The following STAMBPL1 variants were observed in gnomAD, a reference collection of about 807,000 sequenced individuals.
STAMBPL1 encodes the protein AMSH-like protease.
A neutral mutation model predicts 52.9 loss-of-function variants in STAMBPL1; 44 were observed. The observed-to-expected ratio is 0.83, with a 90% CI of 0.65 to 1.07. STAMBPL1 has a LOEUF of 1.07. STAMBPL1 is among the 50% of genes least tolerant of loss of function. STAMBPL1 has a pLI of 0.00. For missense variants in STAMBPL1, 511 were observed against 520.8 expected, an observed-to-expected ratio of 0.98 and a Z score of 0.18; for synonymous variants, 164 against 177.3, an observed-to-expected ratio of 0.92 and a Z score of 0.60.
At chr10:88,921,540 A>G (rs1054884665) in intron 9 of STAMBPL1, 145 bp downstream of exon 9, 1 of 614,942 alleles carries the variant, frequency 1.6e-6, no homozygotes. Flanking sequence ...GTCAGCTGCC[A>G]TAGACCTATA....
At chr10:88,911,141 G>C in intron 5 of STAMBPL1, 130 bp downstream of exon 5, 1 of 546,424 alleles carries the variant, frequency 1.8e-6, no homozygotes, top group Non-Finnish European at 3.0e-6. Context: ...CAGTGATATG[G>C]AACCAATAAA....
chr10:88,913,579 A>G (rs963548278), intron 6 of STAMBPL1, 121 bp downstream of exon 6: 12 of 792,848 alleles, frequency 1.5e-5, no homozygotes, highest in Middle Eastern at 2.7e-4. Flanking sequence ...CCTGCATAAT[A>G]TGGTATGAAT....
chr10:88,890,643 G>A (rs1474719901), intron 1 of STAMBPL1, among the ~76,000 whole-genome samples: 1 of 152,210 alleles, frequency 6.6e-6, no homozygotes, highest in African/African-American at 2.4e-5. Flanking sequence ...CCATGGAGAT[G>A]AAAGAGACAA....
In STAMBPL1 at chr10:88,903,364, A is replaced by T. The variant is rs573940340; in HGVS notation, c.30+1626A>T. On this transcript the variant is annotated intron_variant, in intron 2 of 10. Coordinates refer to ENST00000371926, the MANE Select transcript of STAMBPL1 (RefSeq NM_020799.4). Reference sequence around the variant, plus strand: ...CTCACTTCCGTCTGTCTTTTATTTGATATACCTATTAATCATCACTTATGT... The same window carrying T: ...CTCACTTCCGTCTGTCTTTTATTTGTTATACCTATTAATCATCACTTATGT... Among the ~76,000 whole-genome samples, 4 of 152,350 alleles carry T rather than the reference A, an allele frequency of 2.6e-5. No individual in the cohort carries two copies. In the South Asian group the frequency reaches 8.3e-4, roughly 32 times the overall value.
chr10:88,910,311 G>A (rs1845187949), intron 4 of STAMBPL1, among the ~76,000 whole-genome samples: 1 of 152,066 alleles, frequency 6.6e-6, no homozygotes, highest in African/African-American at 2.4e-5. Context: ...CTCTAAAAAA[G>A]AAGAGGTAGT....
intron 4 of STAMBPL1, among the ~76,000 whole-genome samples, chr10:88,909,505 T>C (rs1371884623): frequency 6.6e-6 from 1 of 152,216 alleles, no homozygotes; most frequent in Non-Finnish European, 1.5e-5. Flanking sequence ...AAAAACACTT[T>C]ACCAAATAAT....
chr10:88,913,439 T>C lies in STAMBPL1; in HGVS notation c.759T>C (p.Ala253=). 6.2e-7 allele frequency: 1 copy of C among 1,612,618 alleles called. No homozygotes were observed. Residue 253 remains alanine (A), a synonymous_variant, in exon 6 of 11, where the codon GCT becomes GCC. Coordinates refer to ENST00000371926, the MANE Select transcript of STAMBPL1 (RefSeq NM_020799.4). Reference sequence around the variant, plus strand: ...TAAACAGGGCCTTAACGCCAGCTGCTACTCTAAGTGCTGTTCAGAGTAAGT... The same window carrying C: ...TAAACAGGGCCTTAACGCCAGCTGCCACTCTAAGTGCTGTTCAGAGTAAGT... ...PPVNRALTPA[A]TLSAVQNLVV...
chr10:88,911,550 G>A (rs1404647824), intron 5 of STAMBPL1, among the ~76,000 whole-genome samples: 1 of 152,220 alleles, frequency 6.6e-6, no homozygotes, highest in African/African-American at 2.4e-5. Context: ...TAATGTCTGA[G>A]AGGCAGAAAG....
At chr10:88,908,633 C>A in intron 3 of STAMBPL1, 69 bp from the exon 4 acceptor site, 1 of 1,277,448 alleles carries the variant, frequency 7.8e-7, no homozygotes. Flanking sequence ...GATCCTCATT[C>A]CCTTATTAGA....
intron 1 of STAMBPL1, among the ~76,000 whole-genome samples, chr10:88,897,508 T>C: frequency 6.6e-6 from 1 of 152,178 alleles, no homozygotes; most frequent in Non-Finnish European, 1.5e-5. Flanking sequence ...TCTTAGAGGT[T>C]AAACAGATCA....
chr10:88,923,355 AT>A lies in STAMBPL1; in HGVS notation c.*134del. ...TACATTTTAGATGACAAAGCTTGATATTTATTGCTGTTGCACATTTTAAAGT... is the reference window on the plus strand; with the variant it reads ...TACATTTTAGATGACAAAGCTTGATATTATTGCTGTTGCACATTTTAAAGT... On this transcript the variant is annotated 3_prime_UTR_variant, in exon 11 of 11. Coordinates refer to ENST00000371926, the MANE Select transcript of STAMBPL1 (RefSeq NM_020799.4). 1 of 1,399,310 alleles carries A rather than the reference AT, an allele frequency of 7.1e-7. No homozygotes were observed. The highest frequency in any genetic ancestry group is 9.3e-7 in the Non-Finnish European group (1 of 1,080,996). 86.7% of individuals were successfully genotyped at this position (1,399,310 alleles called of 1,614,324 possible).
At chr10:88,905,107 A>G (rs1845039769) in intron 2 of STAMBPL1, among the ~76,000 whole-genome samples, 1 of 152,174 alleles carries the variant, frequency 6.6e-6, no homozygotes, top group South Asian at 2.1e-4. Context: ...ATGATCCCAG[A>G]TAGAAGCATG....
chr10:88,902,151 G>A (rs935868746), intron 2 of STAMBPL1, among the ~76,000 whole-genome samples: 2 of 152,220 alleles, frequency 1.3e-5, no homozygotes. Context: ...TTGGATCCTC[G>A]TGTAAATGTC....
chr10:88,889,431 GTGAC>G (rs1173666985), intron 1 of STAMBPL1, among the ~76,000 whole-genome samples: 2 of 151,944 alleles, frequency 1.3e-5, no homozygotes, highest in African/African-American at 4.8e-5. Flanking sequence ...TTTATTTCTT[GTGAC>G]TTAACTGTTT....
At chr10:88,885,730 T>C (rs1487547662) in intron 1 of STAMBPL1, among the ~76,000 whole-genome samples, 1 of 152,240 alleles carries the variant, frequency 6.6e-6, no homozygotes, top group African/African-American at 2.4e-5. Flanking sequence ...ATTTTAGTTG[T>C]TCTTTGACTT....
intron 3 of STAMBPL1, among the ~76,000 whole-genome samples, 170 bp from the exon 4 acceptor site, chr10:88,908,532 A>G (rs1349552105): frequency 6.6e-6 from 1 of 152,194 alleles, no homozygotes; most frequent in East Asian, 1.9e-4. Flanking sequence ...ATTAATACCA[A>G]AATAATACTC....
intron 10 of STAMBPL1, 94 bp downstream of exon 10, chr10:88,922,530 T>C (rs779145922): frequency 5.9e-5 from 66 of 1,122,060 alleles, no homozygotes; most frequent in Non-Finnish European, 7.9e-5. Context: ...TAATATAAGA[T>C]AAAATACTGT....
chr10:88,913,593 A>T lies in STAMBPL1; in HGVS notation c.778+135A>T, dbSNP rs183784319. 3.9e-4 allele frequency: 287 copies of T among 737,478 alleles called. 5 individuals carry two copies. In the East Asian group the frequency reaches 6.7e-3, roughly 17 times the overall value. The allele number at this position is 737,478 out of a possible 1,614,324, so 45.7% of individuals were successfully genotyped here. On this transcript the variant is annotated intron_variant, in intron 6 of 10. Coordinates refer to ENST00000371926, the MANE Select transcript of STAMBPL1 (RefSeq NM_020799.4). ...CCCTGCATAATATGGTATGAATGAAAGAATTAACCTTTCAATACTCTCTAG... is the reference window on the plus strand; with the variant it reads ...CCCTGCATAATATGGTATGAATGAATGAATTAACCTTTCAATACTCTCTAG...
chr10:88,915,682 C>T (rs1845351203), intron 7 of STAMBPL1, among the ~76,000 whole-genome samples: 1 of 152,164 alleles, frequency 6.6e-6, no homozygotes. Context: ...CCTCACGATG[C>T]TTACGATGCT....
Sources: gnomAD v4.1 joint callset for allele counts (sites outside exome capture counted in the v4.1 genomes callset) on GRCh38, gnomAD v4.1.1 for gene constraint, MANE v1.5 for transcripts, NCBI Gene and HGNC (gene_info 2026-07-23, HGNC 2026-07-21) for gene names.